The following DNAH9 variants were observed in gnomAD, a reference collection of about 807,000 sequenced individuals.
DNAH9 encodes dynein axonemal heavy chain 9, also known as DNAH9 variant protein.
Under a neutral mutation model 471.6 loss-of-function variants are expected in DNAH9, and 345 were observed. The observed-to-expected ratio is 0.73, with a 90% CI of 0.67 to 0.80. The LOEUF (loss-of-function observed/expected upper bound fraction) is 0.80, where lower values mean the gene tolerates loss of function less well. Among genes scored for constraint, DNAH9 ranks in the 30% least tolerant of loss-of-function variants. The pLI, the probability that DNAH9 is intolerant of heterozygous loss-of-function variation, is 0.00. For missense variants in DNAH9, 5,407 were observed against 5,609.2 expected (o/e 0.96, Z 1.15); for synonymous variants, 2,093 against 2,123.6 (o/e 0.99, Z 0.40).
intron 67 of DNAH9, among the ~76,000 whole-genome samples, chr17:11,947,772 ATTTTTTT>A (rs71367359): frequency 4.8e-4 from 52 of 108,334 alleles, no homozygotes; most frequent in South Asian, 1.5e-3. Flanking sequence ...GCTGGGAACT[ATTTTTTT>A]TTTTTTTTTT....
In DNAH9 at chr17:11,598,655, G is replaced by T. The variant is rs1429804314; in HGVS notation, c.157G>T (p.Glu53Ter). 43 of 1,356,154 alleles carry T rather than the reference G, an allele frequency of 3.2e-5. No homozygotes were observed. The highest frequency in any genetic ancestry group is 3.9e-5 in the Non-Finnish European group (41 of 1,060,096). The allele number at this position is 1,356,154 out of a possible 1,614,324, so 84.0% of individuals were successfully genotyped here. The change falls in exon 1 of 69, where the codon GAG (glutamate) becomes TAG (stop). Residue 53 changes from glutamate to a stop codon, truncating the protein, a stop_gained. Transcript: ENST00000262442. LOFTEE classifies it high-confidence loss of function. ...GCGTTGCGCGGGGAGTGCTGAGGCG[G>T]AGCAGCTGCTCCAGGCCTTCCTGGG... ...WERCAGSAEA[E>*]QLLQAFLGRD... is the part of the protein sequence containing the mutation.
rs1035032117 is a variant in DNAH9 at position 11,902,744 on chromosome 17, C to T, written c.11432C>T (p.Ser3811Phe). The change falls in exon 60 of 69, where the codon TCT becomes TTT. Residue 3811 changes from serine to phenylalanine, a missense_variant. Transcript: ENST00000262442. ...GTACTTTCATCAATGGAAGAATTCT[C>T]TAATCTGGATCGGGACATAGAGGGA... ...VKVLSSMEEF[S>F]NLDRDIEGSA... 1 of 1,611,582 alleles carries T rather than the reference C, an allele frequency of 6.2e-7. No homozygotes were observed. The highest frequency in any genetic ancestry group is 8.5e-7 in the Non-Finnish European group (1 of 1,179,298).
intron 67 of DNAH9, among the ~76,000 whole-genome samples, chr17:11,956,255 G>A (rs1392090037): frequency 2.6e-5 from 4 of 152,056 alleles, no homozygotes; most frequent in Non-Finnish European, 4.4e-5. Context: ...GGATGAAGAG[G>A]AGTATTATAT....
chr17:11,653,011 C>A lies in DNAH9; in HGVS notation c.2595+9C>A. On this transcript the variant is annotated intron_variant, in intron 14 of 68. Coordinates refer to ENST00000262442, the MANE Select transcript of DNAH9 (RefSeq NM_001372.4). The stretch of plus-strand genomic sequence containing the variant: ...TCCACGCCCTTGTTCAGGTAATAAC[C>A]CAGCCACTCAGGCGCACATACTACG... 5 of 1,612,870 alleles carry A rather than the reference C, an allele frequency of 3.1e-6. No individual in the cohort carries two copies. Among genetic ancestry groups the A allele is most frequent in the Non-Finnish European group, 4.2e-6 (5 of 1,179,748 alleles).
intron 22 of DNAH9, 68 bp from the exon 23 acceptor site, chr17:11,699,663 C>G: frequency 6.8e-7 from 1 of 1,464,448 alleles, no homozygotes; most frequent in Non-Finnish European, 9.5e-7. Flanking sequence ...TGGTAGGCCT[C>G]TAAACAATTC....
chr17:11,729,096 G>C (rs560209805), intron 28 of DNAH9, among the ~76,000 whole-genome samples: 1 of 152,280 alleles, frequency 6.6e-6, no homozygotes, highest in South Asian at 2.1e-4. Context: ...ATCTGGGAGG[G>C]AGATTGCCCC....
chr17:11,687,567 A>G (rs2074261146), intron 19 of DNAH9, among the ~76,000 whole-genome samples: 1 of 152,180 alleles, frequency 6.6e-6, no homozygotes, highest in Admixed American at 6.5e-5. Flanking sequence ...ACAGAAACAC[A>G]CACACACTGT....
intron 62 of DNAH9, among the ~76,000 whole-genome samples, chr17:11,924,879 C>T (rs779706849): frequency 2.0e-5 from 3 of 152,166 alleles, no homozygotes; most frequent in Non-Finnish European, 4.4e-5. Flanking sequence ...CTGCGTCAGC[C>T]TCCCAAAGTG....
intron 57 of DNAH9, 146 bp downstream of exon 57, chr17:11,887,111 T>C: frequency 9.1e-7 from 1 of 1,102,350 alleles, no homozygotes; most frequent in Non-Finnish European, 1.3e-6. Context: ...TATGTTACCT[T>C]CAGACATCTC....
intron 60 of DNAH9, among the ~76,000 whole-genome samples, chr17:11,904,630 C>CA (rs202059757): frequency 0.058 from 6,354 of 110,496 alleles, 556 homozygotes; most frequent in African/African-American, 0.093. Context: ...GACTCCATCT[C>CA]AAAAAAAAAA....
chr17:11,653,141 C>T, intron 14 of DNAH9, 139 bp downstream of exon 14: 1 of 909,208 alleles, frequency 1.1e-6, no homozygotes, highest in Non-Finnish European at 1.7e-6. Flanking sequence ...AGGCTGATAG[C>T]AAAAGACTAA....
At position 11,719,362 on chromosome 17, in the gene DNAH9, C is replaced by T; in HGVS notation, c.5581C>T (p.His1861Tyr). The T allele has an allele frequency of 6.2e-7, 1 of 1,614,112 alleles. No homozygotes were observed. Among genetic ancestry groups the T allele is most frequent in the Non-Finnish European group, 8.5e-7 (1 of 1,180,016 alleles). Residue 1861 changes from histidine to tyrosine, a missense_variant, in exon 27 of 69, where the codon CAC becomes TAC. By Grantham distance (83) the His-to-Tyr change is moderately conservative. Coordinates refer to ENST00000262442, the MANE Select transcript of DNAH9 (RefSeq NM_001372.4). ...CTACATCACCCTCACCCAGTCCCTG[C>T]ACCTGACCATGAGTGGGGCTCCCGC... ...RCYITLTQSL[H>Y]LTMSGAPAGP...
intron 33 of DNAH9, among the ~76,000 whole-genome samples, chr17:11,754,067 A>G (rs1967272889): frequency 6.6e-6 from 1 of 152,058 alleles, no homozygotes; most frequent in South Asian, 2.1e-4. Flanking sequence ...GAGAACATGT[A>G]GCATTTGGTC....
At chr17:11,645,879 CTTTTTTTTT>C (rs760279719) in intron 11 of DNAH9, among the ~76,000 whole-genome samples, 3 of 70,616 alleles carry the variant, frequency 4.2e-5, no homozygotes, top group Non-Finnish European at 7.5e-5. Context: ...TTTTCTTTTT[CTTTTTTTTT>C]TTTTTTTTTG....
chr17:11,882,787 T>A (rs1972770754), intron 55 of DNAH9: 3 of 282,752 alleles, frequency 1.1e-5, no homozygotes, highest in Non-Finnish European at 1.6e-5. Context: ...AGAAAAAGAT[T>A]CGGTGAGGAG....
intron 14 of DNAH9, among the ~76,000 whole-genome samples, chr17:11,654,603 C>T (rs2073597762): frequency 6.6e-6 from 1 of 151,654 alleles, no homozygotes; most frequent in Admixed American, 6.6e-5. Flanking sequence ...CCAAAAATGG[C>T]CACAAGCCAA....
At chr17:11,795,245 T>C (rs895218059) in intron 42 of DNAH9, among the ~76,000 whole-genome samples, 2 of 152,188 alleles carry the variant, frequency 1.3e-5, no homozygotes, top group Non-Finnish European at 2.9e-5. Flanking sequence ...GGCATTGATA[T>C]AGTAGCACAA....
chr17:11,720,819 G>A (rs1278123217), intron 27 of DNAH9, among the ~76,000 whole-genome samples: 1 of 152,042 alleles, frequency 6.6e-6, no homozygotes, highest in Non-Finnish European at 1.5e-5. Context: ...TCTTCCACGT[G>A]GTCTTCATCC....
rs1399592625 is a variant in DNAH9, at chr17:11,797,688, A to T, written c.8315A>T (p.Gln2772Leu). The T allele has an allele frequency of 4.3e-6, 7 of 1,614,238 alleles. No individual in the cohort carries two copies. The highest frequency in any genetic ancestry group is 5.9e-6 in the Non-Finnish European group (7 of 1,180,030). The change falls in exon 43 of 69, where the codon CAG (glutamine) becomes CTG (leucine). Residue 2772 changes from glutamine (Q) to leucine (L), a missense_variant. This residue lies in a region of DNAH9 where 4,636 missense variants were observed against 4,900.3 expected (regional missense o/e 0.95). Coordinates refer to ENST00000262442, the MANE Select transcript of DNAH9 (RefSeq NM_001372.4). ...GGGGAGCCCAAATACATGCCTGTAC[A>T]GTCTTGGGAACTTTTGACCCAGACT... ...GIGEPKYMPV[Q>L]SWELLTQTLV...
Sources: allele counts gnomAD v4.1 joint callset (sites outside exome capture counted in the v4.1 genomes callset), GRCh38; gene constraint gnomAD v4.1.1; regional missense constraint gnomAD v4.1.1; transcripts MANE v1.5; gene names NCBI Gene and HGNC (gene_info 2026-07-23, HGNC 2026-07-21).